The following COMMD10 variants were observed in gnomAD, a reference collection of about 807,000 sequenced individuals.
COMMD10 encodes COMM domain containing 10, also known as COMM domain-containing protein 10.
COMMD10 carries 33 observed loss-of-function variants against 28.9 expected under a neutral mutation model. The ratio of observed to expected loss-of-function variants is 1.14; its 90% confidence interval spans 0.87 to 1.53. The LOEUF (loss-of-function observed/expected upper bound fraction) is 1.53, where lower values mean the gene tolerates loss of function less well. Ranked by LOEUF, COMMD10 falls within the 40% of genes most tolerant of loss-of-function variation. The probability of loss-of-function intolerance (pLI) is 0.00; values close to 1 mark genes in which losing one functional copy is unlikely to be tolerated. For missense variants in COMMD10, 310 were observed against 233.4 expected (o/e 1.33, Z -2.14); for synonymous variants, 110 against 81.7 (o/e 1.35, Z -1.87).
chr5:116,194,405 A>T (rs1322873687), intron 5 of COMMD10, among the ~76,000 whole-genome samples: 1 of 152,210 alleles, frequency 6.6e-6, no homozygotes, highest in Admixed American at 6.5e-5. Context: ...AGATAAAAAA[A>T]TTGATAGACC....
intron 5 of COMMD10, among the ~76,000 whole-genome samples, chr5:116,224,761 A>G (rs987066739): frequency 6.6e-6 from 1 of 152,166 alleles, no homozygotes; most frequent in Non-Finnish European, 1.5e-5. Context: ...TTCAAACCGT[A>G]TCACCCGGGA....
At chr5:116,215,245 A>G (rs1273431035) in intron 5 of COMMD10, among the ~76,000 whole-genome samples, 1 of 152,094 alleles carries the variant, frequency 6.6e-6, no homozygotes, top group Non-Finnish European at 1.5e-5. Context: ...AAAGAAATGA[A>G]TAGTTGTATA....
intron 5 of COMMD10, among the ~76,000 whole-genome samples, chr5:116,226,469 C>T (rs532884676): frequency 6.8e-6 from 1 of 147,598 alleles, no homozygotes; most frequent in African/African-American, 2.5e-5. Flanking sequence ...ATGGACTTTC[C>T]TCAGTTTCTG....
At chr5:116,203,546 C>T (rs1748729050) in intron 5 of COMMD10, among the ~76,000 whole-genome samples, 1 of 152,090 alleles carries the variant, frequency 6.6e-6, no homozygotes, top group Non-Finnish European at 1.5e-5. Flanking sequence ...GATCTCTCGG[C>T]AGAAACTCTA....
intron 5 of COMMD10, among the ~76,000 whole-genome samples, chr5:116,268,660 C>T (rs166092): frequency 3.4e-4 from 51 of 151,710 alleles, no homozygotes; most frequent in South Asian, 6.2e-4. Context: ...ATGTTTATTG[C>T]GGCACTATTC....
chr5:116,184,057 T>C (rs11241374), intron 5 of COMMD10, among the ~76,000 whole-genome samples: 76,544 of 151,946 alleles, frequency 0.5, 21,963 homozygotes, highest in Non-Finnish European at 0.65. Context: ...AAATACTAAA[T>C]TACTGAGGTC....
At position 116,085,079 on chromosome 5, in the gene COMMD10, A is replaced by C; in HGVS notation, c.27A>C (p.Leu9=). Residue 9 remains leucine, a synonymous_variant, in exon 1 of 7, where the codon CTA becomes CTC. Coordinates refer to ENST00000274458, the MANE Select transcript of COMMD10 (RefSeq NM_016144.4). ...TGGCGGTCCCCGCGGCGCTGATCCT[A>C]CGGGAGAGCCCCAGGTAGCTGATCC... MAVPAALI[L]RESPSMKKAV... 6.2e-7 allele frequency: 1 copy of C among 1,610,380 alleles called. No individual in the cohort carries two copies. Among genetic ancestry groups the C allele is most frequent in the Non-Finnish European group, 8.5e-7 (1 of 1,179,126 alleles).
intron 2 of COMMD10, among the ~76,000 whole-genome samples, chr5:116,089,617 A>C (rs866317889): frequency 6.6e-6 from 1 of 152,186 alleles, no homozygotes; most frequent in Non-Finnish European, 1.5e-5. Flanking sequence ...GTTAGTATCT[A>C]TCTTAGAGTT....
At chr5:116,221,203 A>T (rs77849630) in intron 5 of COMMD10, among the ~76,000 whole-genome samples, 1 of 151,716 alleles carries the variant, frequency 6.6e-6, no homozygotes, top group Non-Finnish European at 1.5e-5. Context: ...GTCTCAGCAA[A>T]TGCACTCGGT....
At chr5:116,196,463 C>T (rs925228437) in intron 5 of COMMD10, among the ~76,000 whole-genome samples, 9 of 151,404 alleles carry the variant, frequency 5.9e-5, no homozygotes, top group East Asian at 1.9e-4. Flanking sequence ...CTCATGTAAC[C>T]GAATACCACC....
intron 5 of COMMD10, among the ~76,000 whole-genome samples, chr5:116,268,328 C>A (rs1750657491): frequency 6.6e-6 from 1 of 151,770 alleles, no homozygotes; most frequent in Non-Finnish European, 1.5e-5. Flanking sequence ...GACATTTATG[C>A]AGCCAAAAAA....
intron 2 of COMMD10, among the ~76,000 whole-genome samples, chr5:116,088,500 A>G (rs1750196159): frequency 6.6e-6 from 1 of 152,228 alleles, no homozygotes; most frequent in Non-Finnish European, 1.5e-5. Context: ...CAAAGCCATC[A>G]GTGACTGTCC....
chr5:116,236,271 A>G (rs914945555), intron 5 of COMMD10, among the ~76,000 whole-genome samples: 3 of 152,086 alleles, frequency 2.0e-5, no homozygotes, highest in Non-Finnish European at 4.4e-5. Flanking sequence ...TGGGAAGCTG[A>G]GGTGGGTGGA....
intron 4 of COMMD10, among the ~76,000 whole-genome samples, chr5:116,127,130 C>A (rs1010107180): frequency 2.1e-4 from 32 of 152,296 alleles, no homozygotes; most frequent in African/African-American, 7.2e-4. Flanking sequence ...TGAACAGACA[C>A]TTCTCAAAAG....
chr5:116,235,793 A>C (rs1392973885), intron 5 of COMMD10, among the ~76,000 whole-genome samples: 1 of 152,110 alleles, frequency 6.6e-6, no homozygotes, highest in Non-Finnish European at 1.5e-5. Context: ...TTTCTTCTTT[A>C]TCTTCGATGG....
At chr5:116,154,165 T>A (rs1752630434) in intron 5 of COMMD10, among the ~76,000 whole-genome samples, 1 of 147,842 alleles carries the variant, frequency 6.8e-6, no homozygotes, top group Non-Finnish European at 1.5e-5. Flanking sequence ...GTAAACATTA[T>A]CATTTTCTGT....
intron 5 of COMMD10, among the ~76,000 whole-genome samples, chr5:116,289,683 T>C (rs1434251279): frequency 6.6e-6 from 1 of 151,856 alleles, no homozygotes; most frequent in East Asian, 1.9e-4. Flanking sequence ...GGTGGTGGGT[T>C]CTTCTTGGTT....
chr5:116,174,059 T>A (rs1753424845), intron 5 of COMMD10, among the ~76,000 whole-genome samples: 1 of 152,266 alleles, frequency 6.6e-6, no homozygotes, highest in Middle Eastern at 3.4e-3. Flanking sequence ...AAGTGTATAC[T>A]CTATCAGGTT....
rs965741550 is a variant in COMMD10 at position 116,244,966 on chromosome 5, C to T, written c.511-46551C>T. On this transcript the variant is annotated intron_variant, in intron 5 of 6. Coordinates refer to ENST00000274458, the MANE Select transcript of COMMD10 (RefSeq NM_016144.4). ...AACAAATCCCAAAGCTAGCAGTAGA[C>T]AAGAAATAACCAAAATCAGAGCTGA... Among the ~76,000 whole-genome samples, 4 of 149,220 alleles carry T rather than the reference C, an allele frequency of 2.7e-5. No homozygotes were observed. The Admixed American group carries it at 2.7e-4, about 10-fold the overall frequency.
Sources: allele counts gnomAD v4.1 joint callset (sites outside exome capture counted in the v4.1 genomes callset), GRCh38; gene constraint gnomAD v4.1.1; transcripts MANE v1.5; gene names NCBI Gene and HGNC (gene_info 2026-07-23, HGNC 2026-07-21).